SYT9: variants seen among roughly 807,000 people sequenced by gnomAD.
SYT9 encodes synaptotagmin 9.
A neutral mutation model predicts 48.4 loss-of-function variants in SYT9; 22 were observed. That is an observed-to-expected ratio of 0.45 (90% CI 0.32 to 0.65). SYT9 has a LOEUF of 0.65. Ranked by LOEUF, SYT9 falls within the 30% of genes least tolerant of loss-of-function variation. The pLI, the probability that SYT9 is intolerant of heterozygous loss-of-function variation, is 0.03. For synonymous variants in SYT9, 265 were observed against 245.0 expected, an observed-to-expected ratio of 1.08 and a Z score of -0.76; for missense variants, 577 against 622.0, an observed-to-expected ratio of 0.93 and a Z score of 0.77.
At chr11:7,263,586 A>G (rs1589895178) in intron 1 of SYT9, among the ~76,000 whole-genome samples, 1 of 152,328 alleles carries the variant, frequency 6.6e-6, no homozygotes, top group African/African-American at 2.4e-5. Context: ...GGGACCAGAA[A>G]GTAACGTGGA....
In SYT9 at chr11:7,240,062, G is replaced by C. The variant is rs775317766; in HGVS notation, c.49+1146G>C. ...TAGCAAGGGAGGAATGCAGGTCTGA[G>C]AACAAAGCTCTGTGGCATGCCGACA... On this transcript the variant is annotated intron_variant and NMD_transcript_variant, in intron 1 of 8. Transcript: ENST00000524820. Among the ~76,000 whole-genome samples, 71 of 152,266 alleles carry C rather than the reference G, an allele frequency of 4.7e-4. 1 individual carries two copies. The highest frequency in any genetic ancestry group is 3.4e-3 in the Middle Eastern group (1 of 294).
intron 3 of SYT9, among the ~76,000 whole-genome samples, chr11:7,323,978 TTA>T (rs1481976389): frequency 6.6e-6 from 1 of 151,940 alleles, no homozygotes; most frequent in Non-Finnish European, 1.5e-5. Flanking sequence ...TCCTAGTCTC[TTA>T]AAGATTTTGT....
At chr11:7,298,860 T>G (rs1335392798) in intron 1 of SYT9, among the ~76,000 whole-genome samples, 1 of 152,146 alleles carries the variant, frequency 6.6e-6, no homozygotes, top group Non-Finnish European at 1.5e-5. Context: ...ATGCCACATC[T>G]TCCCTGGGAA....
intron 3 of SYT9, among the ~76,000 whole-genome samples, chr11:7,346,381 G>GAAA (rs1280743684): frequency 6.6e-6 from 1 of 152,232 alleles, no homozygotes; most frequent in Non-Finnish European, 1.5e-5. Context: ...CGGATGGCAC[G>GAAA]AATGGATGGG....
intron 6 of SYT9, among the ~76,000 whole-genome samples, chr11:7,431,189 C>T (rs966136738): frequency 6.6e-6 from 1 of 152,144 alleles, no homozygotes; most frequent in Non-Finnish European, 1.5e-5. Context: ...TTATTGGGAA[C>T]AAGAGCAAAG....
chr11:7,355,871 C>A (rs1050211446), intron 3 of SYT9, among the ~76,000 whole-genome samples: 1 of 152,176 alleles, frequency 6.6e-6, no homozygotes, highest in Non-Finnish European at 1.5e-5. Flanking sequence ...GTCTTTGCTC[C>A]CAAATATACC....
intron 2 of SYT9, among the ~76,000 whole-genome samples, 190 bp downstream of exon 2, chr11:7,303,580 A>C (rs1374275531): frequency 6.6e-6 from 1 of 152,230 alleles, no homozygotes; most frequent in Non-Finnish European, 1.5e-5. Context: ...TAAAAATAAT[A>C]GTTAACATCA....
At chr11:7,415,792 TG>T (rs1428484717) in intron 3 of SYT9, among the ~76,000 whole-genome samples, 4 of 152,150 alleles carry the variant, frequency 2.6e-5, no homozygotes, top group Non-Finnish European at 5.9e-5. Flanking sequence ...GGATACATGG[TG>T]GCAGAGGCCT....
chr11:7,398,105 C>T (rs1003165392), intron 3 of SYT9, among the ~76,000 whole-genome samples: 2 of 152,204 alleles, frequency 1.3e-5, no homozygotes, highest in African/African-American at 4.8e-5. Flanking sequence ...TAGCTTTTTA[C>T]AGATCCCCAT....
intron 6 of SYT9, among the ~76,000 whole-genome samples, chr11:7,434,459 T>G (rs78835561): frequency 0.073 from 11,183 of 152,150 alleles, 620 homozygotes; most frequent in Non-Finnish European, 0.12. Context: ...TAGGAAGTTT[T>G]TAAGATCAAG....
chr11:7,286,795 C>T (rs756773324), intron 1 of SYT9, among the ~76,000 whole-genome samples: 1 of 152,146 alleles, frequency 6.6e-6, no homozygotes, highest in Non-Finnish European at 1.5e-5. Flanking sequence ...GATCTTTACT[C>T]CAGTTTCCAA....
chr11:7,277,034 A>G (rs1848409773), intron 1 of SYT9, among the ~76,000 whole-genome samples: 1 of 152,004 alleles, frequency 6.6e-6, no homozygotes, highest in South Asian at 2.1e-4. Flanking sequence ...AGCCCAGGTG[A>G]CAGTACGAGA....
intron 3 of SYT9, among the ~76,000 whole-genome samples, chr11:7,367,800 C>T (rs1406272792): frequency 1.3e-5 from 2 of 152,096 alleles, no homozygotes; most frequent in Admixed American, 6.5e-5. Context: ...TAGAATGCTC[C>T]TCCAACCCAC....
intron 6 of SYT9, 29 bp downstream of exon 6, chr11:7,420,664 T>C (rs1847336807): frequency 5.0e-6 from 8 of 1,613,584 alleles, no homozygotes; most frequent in South Asian, 1.1e-5. Flanking sequence ...TGCTCCACTT[T>C]GCATAAGAGT....
chr11:7,341,187 T>C (rs1174428942), intron 3 of SYT9, among the ~76,000 whole-genome samples: 1 of 152,220 alleles, frequency 6.6e-6, no homozygotes, highest in Non-Finnish European at 1.5e-5. Flanking sequence ...AGAGAGCTGC[T>C]GTGCTGTACT....
intron 6 of SYT9, chr11:7,465,614 C>G (rs1358276241): frequency 6.6e-6 from 1 of 152,326 alleles, no homozygotes; most frequent in Non-Finnish European, 1.5e-5. Flanking sequence ...GAGAGCCCCT[C>G]CTTCACATCT....
At chr11:7,359,779 A>C (rs1327303319) in intron 3 of SYT9, among the ~76,000 whole-genome samples, 1 of 143,678 alleles carries the variant, frequency 7.0e-6, no homozygotes, top group Non-Finnish European at 1.5e-5. Context: ...AGGTTGCGAA[A>C]ATTTTCTCCC....
At position 7,420,579 on chromosome 11, in the gene SYT9, A is replaced by C; in HGVS notation, c.1411A>C (p.Ser471Arg). ...TGAGAGGCTGGGCAGAGACCACTGG[A>C]GTGAAATGTTGTCATATCCTCGGAA... is the stretch of plus-strand genomic sequence containing the variant. ...EAERLGRDHW[S>R]EMLSYPRKPI... The change falls in exon 6 of 7, where the codon AGT (serine) becomes CGT (arginine). Residue 471 changes from serine (S) to arginine (R), a missense_variant. Coordinates refer to ENST00000318881, the MANE Select transcript of SYT9 (RefSeq NM_175733.4). The C allele has an allele frequency of 2.5e-6, 4 of 1,614,186 alleles. No homozygotes were observed. Among genetic ancestry groups the C allele is most frequent in the African/African-American group, 1.3e-5 (1 of 75,042 alleles).
At chr11:7,363,223 T>C (rs1850179678) in intron 3 of SYT9, among the ~76,000 whole-genome samples, 1 of 152,126 alleles carries the variant, frequency 6.6e-6, no homozygotes, top group Admixed American at 6.6e-5. Context: ...CAGAATGACT[T>C]CACTGGACTA....
Sources: gnomAD v4.1 joint callset for allele counts (sites outside exome capture counted in the v4.1 genomes callset) on GRCh38, gnomAD v4.1.1 for gene constraint, MANE v1.5 for transcripts, NCBI Gene and HGNC (gene_info 2026-07-23, HGNC 2026-07-21) for gene names.